TSHZ2: variants seen among roughly 807,000 people sequenced by gnomAD.
TSHZ2 encodes teashirt zinc finger homeobox 2, also known as teashirt homolog 2.
In TSHZ2, 21 loss-of-function variants were observed where a neutral mutation model predicts 74.4. The observed-to-expected ratio is 0.28, with a 90% CI of 0.20 to 0.41. The LOEUF (loss-of-function observed/expected upper bound fraction) is 0.41, where lower values mean the gene tolerates loss of function less well. Ranked by LOEUF, TSHZ2 falls within the 10% of genes least tolerant of loss-of-function variation. The pLI is 1.00. For missense variants in TSHZ2, 1,244 were observed against 1,293.5 expected (o/e 0.96, Z 0.59); for synonymous variants, 540 against 515.3 (o/e 1.05, Z -0.65).
chr20:53,149,939 TAG>T (rs1452541587), intron 1 of TSHZ2, among the ~76,000 whole-genome samples: 1 of 152,232 alleles, frequency 6.6e-6, no homozygotes, highest in African/African-American at 2.4e-5. Flanking sequence ...GATCAGGGAA[TAG>T]AGTCTGCTTA....
intron 1 of TSHZ2, among the ~76,000 whole-genome samples, chr20:53,160,021 A>G (rs1987891382): frequency 1.3e-5 from 2 of 152,198 alleles, no homozygotes; most frequent in South Asian, 2.1e-4. Context: ...GAGCAGGTGA[A>G]GAGGAGAGGG....
chr20:52,986,085 A>T (rs73134644), intron 1 of TSHZ2, among the ~76,000 whole-genome samples: 1 of 152,272 alleles, frequency 6.6e-6, no homozygotes, highest in Admixed American at 6.5e-5. Flanking sequence ...GCAAGCAAAG[A>T]TATCCAGTAA....
At chr20:53,274,741 A>T (rs1004605635) in intron 2 of TSHZ2, among the ~76,000 whole-genome samples, 1 of 152,206 alleles carries the variant, frequency 6.6e-6, no homozygotes, top group African/African-American at 2.4e-5. Flanking sequence ...CGCATCACAC[A>T]TGCAGAAACG....
intron 2 of TSHZ2, among the ~76,000 whole-genome samples, chr20:53,319,366 C>G (rs938596558): frequency 1.3e-5 from 2 of 152,322 alleles, no homozygotes; most frequent in East Asian, 1.9e-4. Context: ...TCACAAGAAA[C>G]CTTTAAGTTA....
chr20:53,154,643 G>C (rs1987750798), intron 1 of TSHZ2, among the ~76,000 whole-genome samples: 1 of 152,154 alleles, frequency 6.6e-6, no homozygotes, highest in Non-Finnish European at 1.5e-5. Context: ...TTTGAAATCT[G>C]AATGCACTGA....
Position 52,973,151 on chromosome 20 carries a change from C to T in TSHZ2, c.-143C>T. The T allele has an allele frequency of 4.8e-6, 5 of 1,037,692 alleles. No homozygotes were observed. Among genetic ancestry groups the T allele is most frequent in the Non-Finnish European group, 7.0e-6 (5 of 716,372 alleles). The allele number at this position is 1,037,692 out of a possible 1,614,324, so 64.3% of individuals were successfully genotyped here. On this transcript the variant is annotated 5_prime_UTR_variant, in exon 1 of 3. Coordinates refer to ENST00000371497, the MANE Select transcript of TSHZ2 (RefSeq NM_173485.6). Reference sequence around the variant, plus strand: ...GTGGTGGAGGAGTTGCAGGGGGGATCGTCAGGGGGACAGAGGCCGAGTGAC... The same window carrying T: ...GTGGTGGAGGAGTTGCAGGGGGGATTGTCAGGGGGACAGAGGCCGAGTGAC...
At chr20:53,222,942 C>G (rs1350578855) in intron 1 of TSHZ2, among the ~76,000 whole-genome samples, 1 of 152,134 alleles carries the variant, frequency 6.6e-6, no homozygotes, top group Non-Finnish European at 1.5e-5. Context: ...AGAAAAAAAG[C>G]TACTTGGCAC....
chr20:53,439,692 G>A (rs936864945), intron 2 of TSHZ2, among the ~76,000 whole-genome samples: 2 of 152,120 alleles, frequency 1.3e-5, no homozygotes, highest in African/African-American at 2.4e-5. Flanking sequence ...CCAAAGATAT[G>A]AGTTGGAAGC....
chr20:53,385,808 A>G (rs1354093778), intron 2 of TSHZ2, among the ~76,000 whole-genome samples: 1 of 152,094 alleles, frequency 6.6e-6, no homozygotes, highest in African/African-American at 2.4e-5. Context: ...CTAAGGCAAG[A>G]AGGAGCCTGG....
intron 1 of TSHZ2, among the ~76,000 whole-genome samples, chr20:53,100,049 T>C (rs1986172285): frequency 6.6e-6 from 1 of 152,176 alleles, no homozygotes; most frequent in Non-Finnish European, 1.5e-5. Flanking sequence ...AGGCCACTGC[T>C]GAATACTGGC....
chr20:53,361,922 GT>G (rs758422342), intron 2 of TSHZ2, among the ~76,000 whole-genome samples: 72 of 29,262 alleles, frequency 2.5e-3, no homozygotes, highest in Admixed American at 2.2e-3. Context: ...GTTGTTTTGT[GT>G]TTTTTTTTTT....
intron 1 of TSHZ2, among the ~76,000 whole-genome samples, chr20:53,119,663 T>A (rs946176449): frequency 6.6e-6 from 1 of 152,252 alleles, no homozygotes; most frequent in Admixed American, 6.5e-5. Flanking sequence ...ATATCAATTA[T>A]ATGTTAAAAT....
chr20:53,430,291 G>T (rs1983794327), intron 2 of TSHZ2, among the ~76,000 whole-genome samples: 1 of 151,956 alleles, frequency 6.6e-6, no homozygotes, highest in Non-Finnish European at 1.5e-5. Context: ...TTTTAGTAGA[G>T]ACAGGGTTTC....
intron 2 of TSHZ2, among the ~76,000 whole-genome samples, chr20:53,258,591 G>A (rs1319435204): frequency 6.6e-6 from 1 of 152,186 alleles, no homozygotes; most frequent in African/African-American, 2.4e-5. Flanking sequence ...AAGAAAGCTT[G>A]ATCCATCGTC....
At position 53,148,580 on chromosome 20, in the gene TSHZ2, T is replaced by C. The variant is rs78060504; in HGVS notation, c.41-104919T>C. Among the ~76,000 whole-genome samples the C allele has an allele frequency of 2.4e-3, 373 of 152,254 alleles. 3 individuals carry two copies. The highest frequency in any genetic ancestry group is 8.7e-3 in the African/African-American group (363 of 41,532). On this transcript the variant is annotated intron_variant, in intron 1 of 2. Transcript: ENST00000371497. ...TTGCCTATTAAATCAGGACCCCAAG[T>C]GGATCTAAGTGCAGTGGTTTTGATT...
rs749218389 is a variant in TSHZ2 at position 53,255,582 on chromosome 20, A to G, written c.2124A>G (p.Lys708=). The G allele has an allele frequency of 3.8e-6, 6 of 1,580,906 alleles. No individual in the cohort carries two copies. The highest frequency in any genetic ancestry group is 5.2e-6 in the Non-Finnish European group (6 of 1,164,734). ...LQSVLNNHLG[K]ATEPLRSPSC... is the part of the protein sequence containing the mutation. ...CCGTCCTGAACAATCACTTGGGCAA[A>G]GCCACGGAGCCCTTGCGCTCACCTT... The change falls in exon 2 of 3, where the codon AAA becomes AAG. Residue 708 remains lysine (K), a synonymous_variant. Coordinates refer to ENST00000371497, the MANE Select transcript of TSHZ2 (RefSeq NM_173485.6). This position sits in a 1 kb window ranked among gnomAD's most constrained non-coding sequence, Gnocchi z 4.1.
intron 2 of TSHZ2, among the ~76,000 whole-genome samples, chr20:53,301,564 C>G (rs1600798882): frequency 6.6e-6 from 1 of 152,162 alleles, no homozygotes; most frequent in East Asian, 1.9e-4. Context: ...CGAACTAAGC[C>G]TTTAATATTT....
chr20:53,392,989 C>T (rs1478102824), intron 2 of TSHZ2, among the ~76,000 whole-genome samples: 3 of 152,056 alleles, frequency 2.0e-5, no homozygotes, highest in Non-Finnish European at 2.9e-5. Context: ...TGCACCACCA[C>T]GCCCAGATAG....
At chr20:53,033,357 ATGCCAG>A (rs1362159341) in intron 1 of TSHZ2, among the ~76,000 whole-genome samples, 1 of 152,180 alleles carries the variant, frequency 6.6e-6, no homozygotes. Context: ...TTCCTACTGC[ATGCCAG>A]TGTCAATGTG....
Sources: allele counts gnomAD v4.1 joint callset (sites outside exome capture counted in the v4.1 genomes callset), GRCh38; gene constraint gnomAD v4.1.1; non-coding constraint Gnocchi (gnomAD v3.1); transcripts MANE v1.5; gene names NCBI Gene and HGNC (gene_info 2026-07-23, HGNC 2026-07-21).